The following ZFR variants were observed in gnomAD, a reference collection of about 807,000 sequenced individuals.
ZFR encodes the protein zinc finger RNA-binding protein.
Under a neutral mutation model 130.7 loss-of-function variants are expected in ZFR, and 19 were observed. The ratio of observed to expected loss-of-function variants is 0.15; its 90% CI spans 0.10 to 0.21. ZFR has a LOEUF of 0.21. Among genes scored for constraint, ZFR ranks in the 10% least tolerant of loss-of-function variants. The pLI is 1.00. For missense variants in ZFR, 872 were observed against 1,321.5 expected, an observed-to-expected ratio of 0.66 and a Z score of 5.27; for synonymous variants, 466 against 456.9, an observed-to-expected ratio of 1.02 and a Z score of -0.25.
intron 2 of ZFR, among the ~76,000 whole-genome samples, chr5:32,432,912 T>A (rs902289625): frequency 1.1e-4 from 16 of 143,226 alleles, no homozygotes; most frequent in Admixed American, 2.8e-4. Context: ...TTTTTTTTTT[T>A]AAACAGAGAT....
intron 10 of ZFR, 93 bp downstream of exon 10, chr5:32,397,126 T>G (rs1753332362): frequency 4.3e-6 from 6 of 1,411,330 alleles, no homozygotes; most frequent in Non-Finnish European, 5.7e-6. Flanking sequence ...TGGCAAGCTG[T>G]GTTTAGATGC....
intron 2 of ZFR, among the ~76,000 whole-genome samples, chr5:32,436,328 T>C (rs912838734): frequency 2.4e-4 from 36 of 151,740 alleles, no homozygotes; most frequent in African/African-American, 8.7e-4. Context: ...TTTTTTTTTA[T>C]TTTTAGTAGA....
chr5:32,375,968 A>G (rs1245586649), intron 17 of ZFR, among the ~76,000 whole-genome samples: 1 of 151,190 alleles, frequency 6.6e-6, no homozygotes, highest in Non-Finnish European at 1.5e-5. Flanking sequence ...CAGCCTCCCG[A>G]GTAGCTGGGA....
intron 16 of ZFR, 190 bp downstream of exon 16, chr5:32,379,885 G>T: frequency 2.2e-6 from 1 of 460,608 alleles, no homozygotes; most frequent in Non-Finnish European, 3.8e-6. Context: ...TAAGTTCATT[G>T]TCAAATTAAT....
rs1185635176 is a variant in ZFR, at chr5:32,373,973, T to G, written c.2835+5142A>C. 2.0e-4 allele frequency among the ~76,000 whole-genome samples: 31 copies of G among 152,136 alleles called. 1 individual carries two copies. The highest frequency in any genetic ancestry group is 2.0e-3 in the Admixed American group (31 of 15,266). On this transcript the variant is annotated intron_variant, in intron 17 of 19. Transcript: ENST00000265069. The stretch of plus-strand genomic sequence containing the variant: ...TACCCTCAAAGAAGAACACACCCTG[T>G]GAAGTGCATGGGTGACTCTCTCAAA...
chr5:32,373,733 G>A (rs765488753), intron 17 of ZFR, among the ~76,000 whole-genome samples: 4 of 151,738 alleles, frequency 2.6e-5, no homozygotes, highest in Non-Finnish European at 4.4e-5. Flanking sequence ...TACTAGGAGC[G>A]AATTTTAAAT....
At chr5:32,420,625 A>G (rs1207634934) in intron 2 of ZFR, among the ~76,000 whole-genome samples, 1 of 152,182 alleles carries the variant, frequency 6.6e-6, no homozygotes, top group African/African-American at 2.4e-5. Context: ...TTGGTATTCA[A>G]CTGGGGGAAT....
intron 2 of ZFR, among the ~76,000 whole-genome samples, chr5:32,422,491 A>G (rs934386869): frequency 1.3e-5 from 2 of 152,098 alleles, no homozygotes; most frequent in African/African-American, 2.4e-5. Flanking sequence ...CTGGAACCAT[A>G]TCTTCTACCA....
At chr5:32,431,529 C>T (rs1754214755) in intron 2 of ZFR, among the ~76,000 whole-genome samples, 1 of 152,184 alleles carries the variant, frequency 6.6e-6, no homozygotes, top group Non-Finnish European at 1.5e-5. Context: ...ATTAAATGTG[C>T]TTTTCGTACC....
chr5:32,386,155 TACAGAA>T (rs961056625), intron 14 of ZFR, among the ~76,000 whole-genome samples: 1 of 152,082 alleles, frequency 6.6e-6, no homozygotes, highest in African/African-American at 2.4e-5. Context: ...ATGAAGACTC[TACAGAA>T]ACTACATACA....
intron 3 of ZFR, among the ~76,000 whole-genome samples, chr5:32,419,566 G>A (rs1359981995): frequency 6.6e-6 from 1 of 152,162 alleles, no homozygotes; most frequent in African/African-American, 2.4e-5. Context: ...TTGAACTCCT[G>A]ACCTCAGGTG....
intron 2 of ZFR, among the ~76,000 whole-genome samples, chr5:32,437,138 C>T (rs1754356265): frequency 6.6e-6 from 1 of 152,148 alleles, no homozygotes; most frequent in Non-Finnish European, 1.5e-5. Context: ...ATGACCTTCC[C>T]TTGATTTTCA....
At chr5:32,397,365 T>A in intron 9 of ZFR, 27 bp from the exon 10 acceptor site, 1 of 1,607,360 alleles carries the variant, frequency 6.2e-7, no homozygotes, top group Non-Finnish European at 8.5e-7. Flanking sequence ...AATTCAAGAA[T>A]CATCATAGTT....
At chr5:32,403,725 G>C (rs904700859) in intron 7 of ZFR, among the ~76,000 whole-genome samples, 181 bp downstream of exon 7, 3 of 152,182 alleles carry the variant, frequency 2.0e-5, no homozygotes, top group Non-Finnish European at 2.9e-5. Flanking sequence ...CAGGTCTCCA[G>C]TCTTTCCCTC....
Position 32,379,198 on chromosome 5 carries a change from C to T in ZFR, c.2752G>A (p.Gly918Ser), listed in dbSNP as rs1752887449. ...ATGATAATCACACAGGACTGCAGAC[C>T]ATTAGCTCTAGCCTTGAGAGCAACA... Reference protein sequence around the residue: ...HAKWFQARANGLQSCVIIIRI... With the variant: ...HAKWFQARANSLQSCVIIIRI... The change falls in exon 17 of 20, where the codon GGT becomes AGT. Residue 918 changes from glycine to serine, a missense_variant. Gly to Ser is a moderately conservative substitution (Grantham distance 56). Coordinates refer to ENST00000265069, the MANE Select transcript of ZFR (RefSeq NM_016107.5). The T allele has an allele frequency of 6.2e-7, 1 of 1,613,688 alleles. No individual in the cohort carries two copies. The highest frequency in any genetic ancestry group is 1.7e-5 in the Admixed American group (1 of 59,996).
intron 5 of ZFR, among the ~76,000 whole-genome samples, chr5:32,413,865 C>T (rs531086043): frequency 6.6e-5 from 10 of 152,104 alleles, no homozygotes; most frequent in Non-Finnish European, 7.4e-5. Flanking sequence ...CTGTACTATG[C>T]CTTTAATAGA....
chr5:32,398,459 C>T (rs564657837), intron 9 of ZFR, among the ~76,000 whole-genome samples: 1 of 152,072 alleles, frequency 6.6e-6, no homozygotes, highest in Non-Finnish European at 1.5e-5. Context: ...TTCAAATTGT[C>T]CAAGCTTTAA....
Position 32,403,158 on chromosome 5 carries a change from C to T in ZFR, c.1464G>A (p.Val488=), listed in dbSNP as rs1213177011. The T allele has an allele frequency of 6.2e-7, 1 of 1,614,162 alleles. No homozygotes were observed. The highest frequency in any genetic ancestry group is 8.5e-7 in the Non-Finnish European group (1 of 1,180,030). ...NSTSNTKVSA[V]PTNMAAKKTS... ...TTTTCTTGGCAGCCATATTTGTAGG[C>T]ACTGCTGATACTTTAGTGTTAGATG... The change falls in exon 8 of 20, where the codon GTG becomes GTA. Residue 488 remains valine, a synonymous_variant. Transcript: ENST00000265069.
intron 17 of ZFR, chr5:32,365,024 C>G (rs909770394): frequency 2.6e-5 from 4 of 152,182 alleles, no homozygotes; most frequent in African/African-American, 9.7e-5. Flanking sequence ...TAGCCCTTGG[C>G]AACCCCTAAA....
Sources: gnomAD v4.1 joint callset for allele counts (sites outside exome capture counted in the v4.1 genomes callset) on GRCh38, gnomAD v4.1.1 for gene constraint, MANE v1.5 for transcripts, NCBI Gene and HGNC (gene_info 2026-07-23, HGNC 2026-07-21) for gene names.